The following CSAG1 variants were observed in gnomAD, a reference collection of about 807,000 sequenced individuals.
CSAG1 encodes chondrosarcoma associated gene 1, also known as chondrosarcoma-associated gene 1 protein.
CSAG1 carries 4 observed loss-of-function variants against 4.8 expected under a neutral mutation model. The ratio of observed to expected loss-of-function variants is 0.83; its 90% CI spans 0.41 to 1.90. CSAG1 has a LOEUF of 1.90. Ranked by LOEUF, CSAG1 falls within the 40% of genes most tolerant of loss-of-function variation. The pLI, the probability that CSAG1 is intolerant of heterozygous loss-of-function variation, is 0.03. For synonymous variants in CSAG1, 21 were observed against 23.1 expected, an observed-to-expected ratio of 0.91 and a Z score of 0.26; for missense variants, 69 against 59.5, an observed-to-expected ratio of 1.16 and a Z score of -0.53.
At position 152,727,649 on chromosome X, in the gene CSAG1, A is replaced by C; in HGVS notation, c.*145T>G. 1 of 732,093 alleles carries C rather than the reference A, an allele frequency of 1.4e-6. No individual in the cohort carries two copies. Among genetic ancestry groups the C allele is most frequent in the Admixed American group, 2.4e-5 (1 of 41,068 alleles). 60.3% of individuals were successfully genotyped at this position (732,093 alleles called of 1,213,427 possible). ...TTGCCTGGGAATTACTGGCTGCCCAAGGAAGCACTGGAGAAGGCGGTGGTC... is the reference window on the plus strand; with the variant it reads ...TTGCCTGGGAATTACTGGCTGCCCACGGAAGCACTGGAGAAGGCGGTGGTC... On this transcript the variant is annotated 3_prime_UTR_variant, in exon 4 of 4. Coordinates refer to ENST00000452779, the MANE Select transcript of CSAG1 (RefSeq NM_001102576.3).
chrX:152,730,264 G>A (rs1335133735), intron 2 of CSAG1, among the ~76,000 whole-genome samples: 1 of 111,149 alleles, frequency 9.0e-6, no homozygotes, highest in Non-Finnish European at 1.9e-5. Context: ...CAGCCAAGGG[G>A]GTTATCTGAC....
At position 152,729,992 on chromosome X, in the gene CSAG1, T is replaced by TTA. The variant is rs61137896; in HGVS notation, c.17-1770_17-1769dup. ...AAATGTATTTCATTTGGTGAATGGA[T>TTA]TATATATATATATATATACACACAT... On this transcript the variant is annotated intron_variant, in intron 2 of 3. Transcript: ENST00000452779. Among the ~76,000 whole-genome samples, 608 of 64,626 alleles carry TTA rather than the reference T, an allele frequency of 9.4e-3. 35 individuals carry two copies. The highest frequency in any genetic ancestry group is 0.042 in the Admixed American group (311 of 7,346). 56.1% of individuals were successfully genotyped at this position (64,626 alleles called of 115,157 possible). A position where few individuals can be genotyped will look rare whatever the true frequency, so the allele number is the denominator to read the frequency against.
At chrX:152,732,590 G>A (rs1241289284) in intron 1 of CSAG1, 86 bp from the exon 2 acceptor site, 8 of 1,062,352 alleles carry the variant, frequency 7.5e-6, no homozygotes, top group Non-Finnish European at 1.0e-5. Context: ...AGTCCAGGGT[G>A]AGACTGAAGA....
At chrX:152,732,565 C>T (rs1178738611) in intron 1 of CSAG1, 61 bp from the exon 2 acceptor site, 1 of 1,165,966 alleles carries the variant, frequency 8.6e-7, no homozygotes, top group Non-Finnish European at 1.2e-6. Context: ...AAAATCTACA[C>T]AACAAAACAG....
chrX:152,730,055 ATAC>A (rs1231564259), intron 2 of CSAG1, among the ~76,000 whole-genome samples: 1 of 92,199 alleles, frequency 1.1e-5, no homozygotes, highest in Non-Finnish European at 2.3e-5. Flanking sequence ...ACACCCAATG[ATAC>A]TACTACTCCT....
At chrX:152,731,683 TAGAC>T (rs1556228227) in intron 2 of CSAG1, among the ~76,000 whole-genome samples, 3 of 105,060 alleles carry the variant, frequency 2.9e-5, no homozygotes, top group Admixed American at 1.0e-4. Flanking sequence ...ATTAAACAAA[TAGAC>T]AGGCTCTGCC....
intron 2 of CSAG1, among the ~76,000 whole-genome samples, chrX:152,728,750 T>C (rs1932081671): frequency 8.9e-6 from 1 of 111,747 alleles, no homozygotes; most frequent in African/African-American, 3.3e-5. Context: ...TCCTGGCTTG[T>C]AGATGGCCCT....
In CSAG1 at chrX:152,727,574, C is replaced by T; in HGVS notation, c.*220G>A. The T allele has an allele frequency of 4.3e-6, 2 of 469,582 alleles. No homozygotes were observed. Among genetic ancestry groups the T allele is most frequent in the East Asian group, 7.5e-5 (2 of 26,843 alleles). 38.7% of individuals were successfully genotyped at this position (469,582 alleles called of 1,213,427 possible). The stretch of plus-strand genomic sequence containing the variant: ...ACTCTACACCCTGTTGGCTATTTAT[C>T]TGGGGTTAGACTTCTGGAGACTTTT... On this transcript the variant is annotated 3_prime_UTR_variant, in exon 4 of 4. Transcript: ENST00000452779.
rs1355595345 is a variant in CSAG1, at chrX:152,727,668, G to A, written c.*126C>T. ...TGCCCAAGGAAGCACTGGAGAAGGC[G>A]GTGGTCTCCTTGCCCTTGTGGTCCT... On this transcript the variant is annotated 3_prime_UTR_variant, in exon 4 of 4. Transcript: ENST00000452779. 32 of 836,674 alleles carry A rather than the reference G, an allele frequency of 3.8e-5. No homozygotes were observed. The highest frequency in any genetic ancestry group is 1.3e-4 in the East Asian group (4 of 31,852). 69.0% of individuals were successfully genotyped at this position (836,674 alleles called of 1,213,427 possible). A position where few individuals can be genotyped will look rare whatever the true frequency, so the allele number is the denominator to read the frequency against.
intron 2 of CSAG1, among the ~76,000 whole-genome samples, chrX:152,731,620 A>G (rs1354446590): frequency 9.0e-6 from 1 of 111,431 alleles, no homozygotes; most frequent in East Asian, 2.8e-4. Flanking sequence ...AAAAGAACAC[A>G]CCAAGTAAGC....
chrX:152,733,240 T>C (rs1277009886), intron 1 of CSAG1: 1 of 111,547 alleles, frequency 9.0e-6, no homozygotes, highest in Non-Finnish European at 1.9e-5. Flanking sequence ...GGTGCAGCTG[T>C]GCAAATGCAC....
Position 152,727,531 on chromosome X carries a change from C to G in CSAG1, c.*263G>C. The G allele has an allele frequency of 2.3e-6, 1 of 430,558 alleles. No individual in the cohort carries two copies. Among genetic ancestry groups the G allele is most frequent in the Admixed American group, 4.1e-5 (1 of 24,364 alleles). 35.5% of individuals were successfully genotyped at this position (430,558 alleles called of 1,213,427 possible). ...TATTTCCATCACCATGGGGCATACC[C>G]TTTGGGGTGTAAAACGTACTCTACA... On this transcript the variant is annotated 3_prime_UTR_variant, in exon 4 of 4. Transcript: ENST00000452779.
Position 152,727,772 on chromosome X carries a change from G to A in CSAG1, c.*22C>T. The A allele has an allele frequency of 8.3e-7, 1 of 1,207,473 alleles. No individual in the cohort carries two copies. The highest frequency in any genetic ancestry group is 1.1e-6 in the Non-Finnish European group (1 of 891,660). ...AGTGTTGGCCCACTCCATTCCTCAG[G>A]TTTTTTTGAAGCGGTGGTCTTTTAG... On this transcript the variant is annotated 3_prime_UTR_variant, in exon 4 of 4. Coordinates refer to ENST00000452779, the MANE Select transcript of CSAG1 (RefSeq NM_001102576.3).
intron 1 of CSAG1, 120 bp from the exon 2 acceptor site, chrX:152,732,624 G>T (rs782192076): frequency 2.5e-5 from 22 of 888,017 alleles, no homozygotes; most frequent in Non-Finnish European, 3.0e-5. Context: ...GTACTTGTGT[G>T]TGACACTTGC....
chrX:152,728,158 T>A lies in CSAG1; in HGVS notation c.83A>T (p.Tyr28Phe), dbSNP rs1556830798. 210,045 of 1,208,284 alleles carry A rather than the reference T, an allele frequency of 0.17. 13,447 individuals are homozygous for A. The highest frequency in any genetic ancestry group is 0.19 in the Non-Finnish European group (174,411 of 894,432). Residue 28 changes from tyrosine (Y) to phenylalanine (F), a missense_variant, in exon 3 of 4, where the codon TAC becomes TTC. Tyr to Phe is a conservative substitution (Grantham distance 22). Coordinates refer to ENST00000452779, the MANE Select transcript of CSAG1 (RefSeq NM_001102576.3). Reference sequence around the variant, plus strand: ...CATCTTCACCAGACCAGTGTCTCTGTACAGTCTACTCCAGTCCACCTGGTC... The same window carrying A: ...CATCTTCACCAGACCAGTGTCTCTGAACAGTCTACTCCAGTCCACCTGGTC... ...RGDQVDWSRL[Y>F]RDTGLVKMSR...
intron 2 of CSAG1, among the ~76,000 whole-genome samples, chrX:152,730,760 T>G (rs1299276934): frequency 2.7e-5 from 3 of 112,111 alleles, no homozygotes; most frequent in Non-Finnish European, 5.6e-5. Context: ...GAGTGAAGCT[T>G]AATGTATGTA....
chrX:152,729,391 C>T (rs1259680207), intron 2 of CSAG1, among the ~76,000 whole-genome samples: 2 of 112,257 alleles, frequency 1.8e-5, no homozygotes, highest in African/African-American at 6.5e-5. Flanking sequence ...AAATAAACAT[C>T]ATGTGCTCTT....
At chrX:152,730,281 A>G (rs1556228638) in intron 2 of CSAG1, among the ~76,000 whole-genome samples, 2 of 111,657 alleles carry the variant, frequency 1.8e-5, no homozygotes, top group African/African-American at 6.5e-5. Context: ...TGACAAGCAC[A>G]GGGGATTTAT....
intron 1 of CSAG1, among the ~76,000 whole-genome samples, 175 bp downstream of exon 1, chrX:152,733,493 A>G (rs1932210118): frequency 9.0e-6 from 1 of 111,150 alleles, no homozygotes; most frequent in East Asian, 2.8e-4. Flanking sequence ...TGAGGGGAGC[A>G]GACACAATCG....
Sources: allele counts gnomAD v4.1 joint callset (sites outside exome capture counted in the v4.1 genomes callset), GRCh38; gene constraint gnomAD v4.1.1; transcripts MANE v1.5; gene names NCBI Gene and HGNC (gene_info 2026-07-23, HGNC 2026-07-21).